The following SRPK2 variants were observed in gnomAD, a reference collection of about 807,000 sequenced individuals.
SRPK2 encodes SFRS protein kinase 2.
A neutral mutation model predicts 90.8 loss-of-function variants in SRPK2; 21 were observed. That is an observed-to-expected ratio of 0.23 (90% CI 0.16 to 0.33). The LOEUF (loss-of-function observed/expected upper bound fraction) is 0.33. Ranked by LOEUF, SRPK2 falls within the 10% of genes least tolerant of loss-of-function variation. The probability of loss-of-function intolerance (pLI) is 1.00; values close to 1 mark genes in which losing one functional copy is unlikely to be tolerated. For synonymous variants in SRPK2, 288 were observed against 311.1 expected, an observed-to-expected ratio of 0.93 and a Z score of 0.78; for missense variants, 620 against 869.0, an observed-to-expected ratio of 0.71 and a Z score of 3.60.
In SRPK2 at chr7:105,121,811, A is replaced by C. The variant is rs143667356; in HGVS notation, c.1916-3789T>G. On this transcript the variant is annotated intron_variant, in intron 15 of 15. Coordinates refer to ENST00000393651, the MANE Select transcript of SRPK2 (RefSeq NM_182692.3). ...TCTATTATACTTCTCTTGAATCTTA[A>C]AGTGGTTTGTGAAGGAAAATACATT... Among the ~76,000 whole-genome samples the C allele has an allele frequency of 3.7e-3, 561 of 152,348 alleles. 15 individuals are homozygous for C. In the East Asian group the frequency reaches 0.062, roughly 17 times the overall value.
At chr7:105,310,276 C>T (rs535135077) in intron 2 of SRPK2, among the ~76,000 whole-genome samples, 6 of 152,264 alleles carry the variant, frequency 3.9e-5, no homozygotes, top group Non-Finnish European at 5.9e-5. Flanking sequence ...GCAGATAAAA[C>T]CATAATAATG....
At chr7:105,353,889 G>A (rs1423586194) in intron 2 of SRPK2, among the ~76,000 whole-genome samples, 2 of 152,088 alleles carry the variant, frequency 1.3e-5, no homozygotes, top group East Asian at 1.9e-4. Context: ...CAAATCCCAC[G>A]TGAGGCCAAA....
intron 2 of SRPK2, among the ~76,000 whole-genome samples, chr7:105,349,279 T>A (rs1816865088): frequency 6.6e-6 from 1 of 151,766 alleles, no homozygotes; most frequent in African/African-American, 2.4e-5. Flanking sequence ...TCCCAGCACT[T>A]TGGGAGGCCA....
chr7:105,379,902 G>A (rs1311368329), intron 2 of SRPK2, among the ~76,000 whole-genome samples: 1 of 152,028 alleles, frequency 6.6e-6, no homozygotes, highest in Non-Finnish European at 1.5e-5. Flanking sequence ...GGCTTGAATC[G>A]GGGAAGCGGA....
chr7:105,144,873 G>A (rs746737884), intron 9 of SRPK2, among the ~76,000 whole-genome samples: 7 of 152,116 alleles, frequency 4.6e-5, no homozygotes, highest in African/African-American at 1.7e-4. Flanking sequence ...TTGGGAGGCC[G>A]AGGCAGGCAG....
chr7:105,286,038 A>G (rs527535327), intron 2 of SRPK2, among the ~76,000 whole-genome samples: 6 of 152,318 alleles, frequency 3.9e-5, no homozygotes, highest in East Asian at 3.9e-4. Flanking sequence ...ATACTATCGC[A>G]TTATCTTCAT....
At chr7:105,201,376 G>C (rs566080524) in intron 3 of SRPK2, among the ~76,000 whole-genome samples, 4 of 152,222 alleles carry the variant, frequency 2.6e-5, no homozygotes, top group African/African-American at 9.6e-5. Context: ...CTCTGTGAAG[G>C]TTAGAGTTCA....
intron 2 of SRPK2, among the ~76,000 whole-genome samples, chr7:105,233,091 A>AGAAAGGAAG (rs1213029003): frequency 1.4e-4 from 13 of 91,902 alleles, no homozygotes; most frequent in African/African-American, 1.7e-4. Context: ...AAGGAAGGAA[A>AGAAAGGAAG]GAAGGAAGGA....
intron 2 of SRPK2, among the ~76,000 whole-genome samples, chr7:105,325,634 G>A (rs191293763): frequency 6.6e-6 from 1 of 150,682 alleles, no homozygotes; most frequent in East Asian, 2.0e-4. Context: ...TAGGCAGGAG[G>A]ATCGCTCCAG....
chr7:105,353,916 C>T (rs1477173376), intron 2 of SRPK2, among the ~76,000 whole-genome samples: 2 of 152,152 alleles, frequency 1.3e-5, no homozygotes, highest in Non-Finnish European at 2.9e-5. Context: ...CCCAGGGAGA[C>T]TGAGAGCCAA....
intron 2 of SRPK2, among the ~76,000 whole-genome samples, chr7:105,369,803 G>A (rs963321308): frequency 2.6e-5 from 4 of 152,112 alleles, no homozygotes; most frequent in African/African-American, 7.2e-5. Context: ...TGAAGCAGGC[G>A]GATCGCCTGA....
At chr7:105,298,747 A>G in intron 2 of SRPK2, 1 of 985,598 alleles carries the variant, frequency 1.0e-6, no homozygotes, top group Non-Finnish European at 1.2e-6. Context: ...CGTTAGCAGT[A>G]GGAGACAGCA....
chr7:105,206,079 G>A, intron 2 of SRPK2: 1 of 501,202 alleles, frequency 2.0e-6, no homozygotes, highest in South Asian at 1.5e-5. Flanking sequence ...GGGCTGTCGT[G>A]TGCACTGTGG....
chr7:105,387,412 C>A (rs906053480), intron 2 of SRPK2, among the ~76,000 whole-genome samples: 1 of 152,076 alleles, frequency 6.6e-6, no homozygotes, highest in African/African-American at 2.4e-5. Context: ...AAAATCCAGT[C>A]CATTTTAACA....
At chr7:105,330,913 G>A (rs963895793) in intron 2 of SRPK2, among the ~76,000 whole-genome samples, 2 of 152,180 alleles carry the variant, frequency 1.3e-5, no homozygotes, top group South Asian at 2.1e-4. Context: ...AGGGTCCCTT[G>A]AATCCAGAAA....
At chr7:105,148,195 T>C (rs1176143785) in intron 7 of SRPK2, among the ~76,000 whole-genome samples, 1 of 152,228 alleles carries the variant, frequency 6.6e-6, no homozygotes, top group Non-Finnish European at 1.5e-5. Context: ...TCCACCCAAG[T>C]GGATATGAAG....
At chr7:105,131,281 G>A (rs1343837118) in intron 13 of SRPK2, among the ~76,000 whole-genome samples, 1 of 152,134 alleles carries the variant, frequency 6.6e-6, no homozygotes, top group African/African-American at 2.4e-5. Flanking sequence ...CCCACTCAGT[G>A]TCTCCGCAGC....
rs58288208 is a variant in SRPK2, at chr7:105,323,967, TTGTGTGTG to T, written c.71+64673_71+64680del. Among the ~76,000 whole-genome samples the T allele has an allele frequency of 4.6e-3, 619 of 133,884 alleles. 4 individuals carry two copies. Among genetic ancestry groups the T allele is most frequent in the African/African-American group, 0.014 (522 of 36,656 alleles). The allele number at this position is 133,884 out of a possible 152,430, so 87.8% of individuals were successfully genotyped here. On this transcript the variant is annotated intron_variant, in intron 2 of 15. Transcript: ENST00000393651. ...AAAAAGACTTTGGTCAGACTATTCT[TTGTGTGTG>T]TGTGTGTGTGTGTGTGTGTGTGTGT...
rs182558387 is a variant in SRPK2 at position 105,376,783 on chromosome 7, C to A, written c.71+11865G>T. On this transcript the variant is annotated intron_variant, in intron 2 of 15. Coordinates refer to ENST00000393651, the MANE Select transcript of SRPK2 (RefSeq NM_182692.3). ...GAACTCCTGACCTCAGGAGATCCACCCACCTCGGCCTACCAAAGTGCTAGG... is the reference window on the plus strand; with the variant it reads ...GAACTCCTGACCTCAGGAGATCCACACACCTCGGCCTACCAAAGTGCTAGG... Among the ~76,000 whole-genome samples, 207 of 151,250 alleles carry A rather than the reference C, an allele frequency of 1.4e-3. 1 individual carries two copies. The highest frequency in any genetic ancestry group is 9.7e-4 in the Non-Finnish European group (66 of 67,806).
Sources: allele counts gnomAD v4.1 joint callset (sites outside exome capture counted in the v4.1 genomes callset), GRCh38; gene constraint gnomAD v4.1.1; transcripts MANE v1.5; gene names NCBI Gene and HGNC (gene_info 2026-07-23, HGNC 2026-07-21).